The following FHIP2B variants were observed in gnomAD, a reference collection of about 807,000 sequenced individuals.
FHIP2B encodes FHF complex subunit HOOK-interacting protein 2B.
FHIP2B carries 72 observed loss-of-function variants against 84.0 expected under a neutral mutation model. The observed-to-expected ratio is 0.86, with a 90% CI of 0.71 to 1.04. The LOEUF is 1.04. Among genes scored for constraint, FHIP2B ranks in the 50% least tolerant of loss-of-function variants. FHIP2B has a pLI of 0.00. For missense variants in FHIP2B, 972 were observed against 968.9 expected, an observed-to-expected ratio of 1.00 and a Z score of -0.04; for synonymous variants, 497 against 418.7, an observed-to-expected ratio of 1.19 and a Z score of -2.28.
intron 1 of FHIP2B, among the ~76,000 whole-genome samples, chr8:22,090,649 T>C (rs1295890775): frequency 1.3e-5 from 2 of 152,166 alleles, no homozygotes; most frequent in African/African-American, 4.8e-5. Context: ...TTATTATTTA[T>C]TTATTTATTT....
At chr8:22,101,349 T>C in intron 12 of FHIP2B, 91 bp from the exon 13 acceptor site, 2 of 1,029,886 alleles carry the variant, frequency 1.9e-6, no homozygotes, top group Non-Finnish European at 2.9e-6. Context: ...GCCACAGCCC[T>C]GGGGTCCAGT....
chr8:22,101,615 C>T (rs774100487), intron 13 of FHIP2B, 85 bp downstream of exon 13: 239 of 1,555,008 alleles, frequency 1.5e-4, no homozygotes, highest in Non-Finnish European at 2.0e-4. Flanking sequence ...CTCTCATCTG[C>T]CCAAGGACCC....
intron 1 of FHIP2B, among the ~76,000 whole-genome samples, chr8:22,094,082 A>G (rs773575849): frequency 1.5e-4 from 23 of 152,172 alleles, no homozygotes; most frequent in East Asian, 7.7e-4. Context: ...GTGTTCCTCT[A>G]TGTGCCTCTA....
chr8:22,093,502 G>A (rs1308053780), intron 1 of FHIP2B, among the ~76,000 whole-genome samples: 5 of 152,146 alleles, frequency 3.3e-5, no homozygotes, highest in Admixed American at 3.3e-4. Flanking sequence ...CGGTAGAGGA[G>A]GAAACGAGAA....
In FHIP2B at chr8:22,104,359, A is replaced by G. The variant is rs1386121416; in HGVS notation, c.*1428A>G. The stretch of plus-strand genomic sequence containing the variant: ...GGTGTCTTCCCCGGACAGCACAGCA[A>G]TAAATGGTGTGATTGCGTGGACACC... On this transcript the variant is annotated 3_prime_UTR_variant, in exon 17 of 17. Coordinates refer to ENST00000289921, the MANE Select transcript of FHIP2B (RefSeq NM_022749.7). 1.3e-5 allele frequency: 2 copies of G among 152,520 alleles called. No individual in the cohort carries two copies. Among genetic ancestry groups the G allele is most frequent in the Non-Finnish European group, 2.9e-5 (2 of 68,050 alleles). The allele number at this position is 152,520 out of a possible 1,614,324, so 9.4% of individuals were successfully genotyped here.
At position 22,100,759 on chromosome 8, in the gene FHIP2B, T is replaced by G; in HGVS notation, c.1487+20T>G. 1 of 1,606,896 alleles carries G rather than the reference T, an allele frequency of 6.2e-7. No individual in the cohort carries two copies. The highest frequency in any genetic ancestry group is 8.5e-7 in the Non-Finnish European group (1 of 1,174,816). On this transcript the variant is annotated intron_variant, in intron 11 of 16. Coordinates refer to ENST00000289921, the MANE Select transcript of FHIP2B (RefSeq NM_022749.7). ...CACCCTGTAAGTGAAACCGGCGCCC[T>G]TTGGACTCAGCCCAGCCCTTAGCAC...
chr8:22,100,504 G>T (rs1826044077), intron 10 of FHIP2B, 90 bp from the exon 11 acceptor site: 7 of 1,373,760 alleles, frequency 5.1e-6, no homozygotes, highest in South Asian at 1.8e-5. Flanking sequence ...CTGCCTCAGA[G>T]GTCTTTTCTT....
Position 22,102,882 on chromosome 8 carries a change from C to G in FHIP2B, c.2183C>G (p.Pro728Arg), listed in dbSNP as rs769305209. The G allele has an allele frequency of 3.7e-6, 6 of 1,613,670 alleles. No homozygotes were observed. In the African/African-American group the frequency reaches 4.0e-5, roughly 11 times the overall value. ...LAAIAFVKFP[P>R]HDPRQNVSPA... ...GCCATTGCCTTCGTCAAGTTTCCCC[C>G]ACATGATCCTCGCCAGAACGTCTCC... is the stretch of plus-strand genomic sequence containing the variant. The change falls in exon 17 of 17, where the codon CCA becomes CGA. Residue 728 changes from proline (P) to arginine (R), a missense_variant. Physicochemically the swap from Pro to Arg is moderately radical, Grantham distance 103. Coordinates refer to ENST00000289921, the MANE Select transcript of FHIP2B (RefSeq NM_022749.7).
chr8:22,091,049 C>T (rs1014563319), intron 1 of FHIP2B, among the ~76,000 whole-genome samples: 14 of 152,144 alleles, frequency 9.2e-5, no homozygotes, highest in Middle Eastern at 3.4e-3. Flanking sequence ...AGGCTATGTC[C>T]GGGCGGTGTG....
rs1284531094 is a variant in FHIP2B, at chr8:22,104,218, G to A, written c.*1287G>A. The A allele has an allele frequency of 6.6e-6, 1 of 152,364 alleles. No individual in the cohort carries two copies. The allele number at this position is 152,364 out of a possible 1,614,324, so 9.4% of individuals were successfully genotyped here. A position where few individuals can be genotyped will look rare whatever the true frequency, so the allele number is the denominator to read the frequency against. On this transcript the variant is annotated 3_prime_UTR_variant, in exon 17 of 17. Coordinates refer to ENST00000289921, the MANE Select transcript of FHIP2B (RefSeq NM_022749.7). ...GTGCACAAACGTGGGTGTTGGTGTGGACGGGGCGCAGATCTCCGTGGATGA... is the reference window on the plus strand; with the variant it reads ...GTGCACAAACGTGGGTGTTGGTGTGAACGGGGCGCAGATCTCCGTGGATGA...
chr8:22,099,985 T>G, intron 10 of FHIP2B, 92 bp downstream of exon 10: 1 of 1,332,568 alleles, frequency 7.5e-7, no homozygotes, highest in Non-Finnish European at 1.0e-6. Flanking sequence ...TGTTCCCAGT[T>G]GACTCCACCT....
At chr8:22,100,421 TG>T in intron 10 of FHIP2B, 172 bp from the exon 11 acceptor site, 1 of 597,224 alleles carries the variant, frequency 1.7e-6, no homozygotes, top group Non-Finnish European at 2.6e-6. Context: ...CCCAGACTTC[TG>T]GATTCCTAGG....
chr8:22,103,892 C>G lies in FHIP2B; in HGVS notation c.*961C>G, dbSNP rs375732567. On this transcript the variant is annotated 3_prime_UTR_variant, in exon 17 of 17. Transcript: ENST00000289921. ...CCTGGTGGTGTTCTCCCTGCATGCC[C>G]TCCGTGGCTGGGCTGCCACCCCACC... 1.3e-5 allele frequency: 2 copies of G among 152,704 alleles called. No homozygotes were observed. Among genetic ancestry groups the G allele is most frequent in the African/African-American group, 4.8e-5 (2 of 41,482 alleles). The allele number at this position is 152,704 out of a possible 1,614,324, so 9.5% of individuals were successfully genotyped here.
chr8:22,089,242 C>T lies in FHIP2B; in HGVS notation c.-12C>T, dbSNP rs1457137437. On this transcript the variant is annotated 5_prime_UTR_variant, in exon 1 of 17. Coordinates refer to ENST00000289921, the MANE Select transcript of FHIP2B (RefSeq NM_022749.7). ...GCCGCTTTCGCCCGGGAGCCGGGGG[C>T]CGGGCGCCATCATGCTGAGCCGGCT... The T allele has an allele frequency of 9.4e-6, 10 of 1,060,362 alleles. No individual in the cohort carries two copies. The highest frequency in any genetic ancestry group is 1.1e-4 in the Admixed American group (2 of 18,214). The allele number at this position is 1,060,362 out of a possible 1,614,324, so 65.7% of individuals were successfully genotyped here.
At position 22,102,412 on chromosome 8, in the gene FHIP2B, C is replaced by T. The variant is rs540611690; in HGVS notation, c.1992+97C>T. ...GGTGGTTGGGGGCTGGAGGGGTGGGCACCCTTGCCAGTGCCAGGGAAAGCA... is the reference window on the plus strand; with the variant it reads ...GGTGGTTGGGGGCTGGAGGGGTGGGTACCCTTGCCAGTGCCAGGGAAAGCA... On this transcript the variant is annotated intron_variant, in intron 15 of 16. Coordinates refer to ENST00000289921, the MANE Select transcript of FHIP2B (RefSeq NM_022749.7). The T allele has an allele frequency of 2.1e-5, 31 of 1,502,308 alleles. No homozygotes were observed. In the African/African-American group the frequency reaches 2.9e-4, roughly 14 times the overall value. 93.1% of individuals were successfully genotyped at this position (1,502,308 alleles called of 1,614,324 possible).
rs181592196 is a variant in FHIP2B at position 22,098,981 on chromosome 8, C to G, written c.999C>G (p.Phe333Leu). 123 of 1,607,994 alleles carry G rather than the reference C, an allele frequency of 7.6e-5. No individual in the cohort carries two copies. The African/African-American group carries it at 1.5e-3, about 19-fold the overall frequency. The stretch of plus-strand genomic sequence containing the variant: ...GTGCCCCGTCTGATGAGGCTTCCTT[C>G]CCTGGCAAGGAGGCCTTGGCTGCCT... ...LPSAPSDEAS[F>L]PGKEALAAFL... Residue 333 changes from phenylalanine to leucine, a missense_variant, in exon 8 of 17, where the codon TTC becomes TTG. Physicochemically the swap from Phe to Leu is conservative, Grantham distance 22. Coordinates refer to ENST00000289921, the MANE Select transcript of FHIP2B (RefSeq NM_022749.7).
Position 22,101,446 on chromosome 8 carries a change from G to A in FHIP2B, c.1623G>A (p.Leu541=), listed in dbSNP as rs774350623. The change falls in exon 13 of 17, where the codon CTG becomes CTA. Residue 541 remains leucine, a synonymous_variant. Coordinates refer to ENST00000289921, the MANE Select transcript of FHIP2B (RefSeq NM_022749.7). ...TAVTEIVNSF[L]CLVPEEAKTS... ...ACCGGCTTCTATCTCTCAGTTTCCT[G>A]TGCCTGGTCCCCGAGGAAGCCAAGA... 1.9e-5 allele frequency: 30 copies of A among 1,608,778 alleles called. No individual in the cohort carries two copies. Among genetic ancestry groups the A allele is most frequent in the Non-Finnish European group, 2.5e-5 (29 of 1,177,420 alleles).
At chr8:22,098,882 A>C in intron 7 of FHIP2B, 66 bp from the exon 8 acceptor site, 1 of 1,348,160 alleles carries the variant, frequency 7.4e-7, no homozygotes. Context: ...CAGTTTCAGG[A>C]CACATTGAGG....
chr8:22,098,381 G>A, intron 6 of FHIP2B, 42 bp from the exon 7 acceptor site: 1 of 1,548,736 alleles, frequency 6.5e-7, no homozygotes, highest in Non-Finnish European at 8.7e-7. Context: ...GTGATTTGGG[G>A]GCTCACATGC....
Sources: allele counts gnomAD v4.1 joint callset (sites outside exome capture counted in the v4.1 genomes callset), GRCh38; gene constraint gnomAD v4.1.1; transcripts MANE v1.5; gene names NCBI Gene and HGNC (gene_info 2026-07-23, HGNC 2026-07-21).